The following NFIX variants were observed in gnomAD, a reference collection of about 807,000 sequenced individuals.
NFIX encodes nuclear factor I X, also known as nuclear factor 1 X-type.
A neutral mutation model predicts 53.3 loss-of-function variants in NFIX; 2 were observed. The observed-to-expected ratio is 0.04, with a 90% CI of 0.02 to 0.12. The LOEUF (loss-of-function observed/expected upper bound fraction) is 0.12. Ranked by LOEUF, NFIX falls within the 10% of genes least tolerant of loss-of-function variation. The pLI, the probability that NFIX is intolerant of heterozygous loss-of-function variation, is 1.00. For missense variants in NFIX, 310 were observed against 674.5 expected (o/e 0.46, Z 5.99); for synonymous variants, 244 against 289.0 (o/e 0.84, Z 1.58).
In NFIX at chr19:13,051,661, C is replaced by T. The variant is rs555699325; in HGVS notation, c.560-21386C>T. Among the ~76,000 whole-genome samples, 3 of 152,296 alleles carry T rather than the reference C, an allele frequency of 2.0e-5. No individual in the cohort carries two copies. In the East Asian group the frequency reaches 5.8e-4, roughly 29 times the overall value. On this transcript the variant is annotated intron_variant, in intron 2 of 10. Transcript: ENST00000592199. This position sits in a 1 kb window ranked among gnomAD's most constrained non-coding sequence, Gnocchi z 5.1. ...TTCCTCGGAGAAGCCCAGCCCTCCT[C>T]CTCCTCCCTTCTTGGCCCTCTCCTC...
intron 2 of NFIX, among the ~76,000 whole-genome samples, chr19:13,056,111 G>A (rs1205645238): frequency 6.6e-6 from 1 of 152,182 alleles, no homozygotes; most frequent in Non-Finnish European, 1.5e-5. Flanking sequence ...CTGCTCTGCG[G>A]CTGAAATTGC....
At chr19:13,076,058 T>C (rs952982358) in intron 6 of NFIX, among the ~76,000 whole-genome samples, 4 of 152,172 alleles carry the variant, frequency 2.6e-5, no homozygotes, top group African/African-American at 9.7e-5. Flanking sequence ...TAGGGGATTG[T>C]TCTGTGCATG....
intron 2 of NFIX, chr19:13,070,649 G>C (rs1289070375): frequency 6.6e-6 from 1 of 152,516 alleles, no homozygotes; most frequent in African/African-American, 2.4e-5. Flanking sequence ...GCCGCCAGCC[G>C]TAAGATGGCT....
chr19:13,079,978 GATGTGTGTGCAT>G (rs1185494874), intron 7 of NFIX, among the ~76,000 whole-genome samples: 1 of 152,230 alleles, frequency 6.6e-6, no homozygotes, highest in African/African-American at 2.4e-5. Flanking sequence ...GCACTCAGGA[GATGTGTGTGCAT>G]ATGTCAGACG....
intron 1 of NFIX, among the ~76,000 whole-genome samples, chr19:13,020,580 A>G (rs967539388): frequency 6.6e-6 from 1 of 152,192 alleles, no homozygotes; most frequent in Non-Finnish European, 1.5e-5. Context: ...GCAAGGTTAT[A>G]GCCACTGGCA....
rs1472834492 is a variant in NFIX at position 13,093,854 on chromosome 19, G to T, written c.1495-781G>T. On this transcript the variant is annotated intron_variant, in intron 10 of 10. Transcript: ENST00000592199. The surrounding 1 kb of genome is among the most constrained non-coding windows in gnomAD (Gnocchi z 4.7). ...GTGGGGCTGGAGCCTTGGATGGAGGGCGTAGCCAAGCAGCCCAGACCCTTG... is the reference window on the plus strand; with the variant it reads ...GTGGGGCTGGAGCCTTGGATGGAGGTCGTAGCCAAGCAGCCCAGACCCTTG... 2.6e-5 allele frequency among the ~76,000 whole-genome samples: 4 copies of T among 152,088 alleles called. No homozygotes were observed. Among genetic ancestry groups the T allele is most frequent in the Non-Finnish European group, 5.9e-5 (4 of 68,008 alleles).
At chr19:13,091,228 T>A (rs2018116005) in intron 10 of NFIX, among the ~76,000 whole-genome samples, 1 of 152,082 alleles carries the variant, frequency 6.6e-6, no homozygotes, top group Non-Finnish European at 1.5e-5. Context: ...AAACACCACC[T>A]TGGAGGTGTC....
intron 1 of NFIX, chr19:13,024,563 G>A (rs2145188406): frequency 1.3e-6 from 2 of 1,533,744 alleles, no homozygotes; most frequent in East Asian, 2.4e-5. Context: ...CCGCGTGTGC[G>A]TCCACGGGCG....
rs1568315918 is a variant in NFIX at position 13,073,196 on chromosome 19, C to G, written c.622+87C>G. ...ACCCTGGCTGCCCTGGCCACCCTCA[C>G]TTCTTCCCCTTCATTCAGCTGTCCC... On this transcript the variant is annotated intron_variant, in intron 3 of 10. Coordinates refer to ENST00000592199, the MANE Select transcript of NFIX (RefSeq NM_001365902.3). This position sits in a 1 kb window ranked among gnomAD's most constrained non-coding sequence, Gnocchi z 4.5. 7.8e-7 allele frequency: 1 copy of G among 1,276,180 alleles called. No homozygotes were observed. Among genetic ancestry groups the G allele is most frequent in the Non-Finnish European group, 1.1e-6 (1 of 872,646 alleles). The allele number at this position is 1,276,180 out of a possible 1,614,324, so 79.1% of individuals were successfully genotyped here. A position where few individuals can be genotyped will look rare whatever the true frequency, so the allele number is the denominator to read the frequency against.
In NFIX at chr19:13,093,537, C is replaced by G. The variant is rs2018263773; in HGVS notation, c.1495-1098C>G. 6.6e-6 allele frequency among the ~76,000 whole-genome samples: 1 copy of G among 152,226 alleles called. No homozygotes were observed. Among genetic ancestry groups the G allele is most frequent in the Non-Finnish European group, 1.5e-5 (1 of 68,044 alleles). ...GTTAGGAGCACAGCCTGCACTGCCC[C>G]TTACATTTGAACCCTGGCTCTGTTG... On this transcript the variant is annotated intron_variant, in intron 10 of 10. Coordinates refer to ENST00000592199, the MANE Select transcript of NFIX (RefSeq NM_001365902.3). This position sits in a 1 kb window ranked among gnomAD's most constrained non-coding sequence, Gnocchi z 4.7.
At chr19:13,070,208 GCCT>G (rs2016689912) in intron 2 of NFIX, 1 of 152,316 alleles carries the variant, frequency 6.6e-6, no homozygotes, top group Non-Finnish European at 1.5e-5. Flanking sequence ...GTTCCTGCCA[GCCT>G]CCTTCCTCTA....
chr19:13,076,785 C>A (rs1477244652), intron 6 of NFIX, among the ~76,000 whole-genome samples: 1 of 152,172 alleles, frequency 6.6e-6, no homozygotes, highest in Non-Finnish European at 1.5e-5. Flanking sequence ...AGCACTCCTG[C>A]TTTTCTGCTG....
chr19:13,021,100 AC>A lies in NFIX; in HGVS notation c.28-3919del, dbSNP rs1292481730. 6.6e-6 allele frequency among the ~76,000 whole-genome samples: 1 copy of A among 152,170 alleles called. No homozygotes were observed. Among genetic ancestry groups the A allele is most frequent in the East Asian group, 1.9e-4 (1 of 5,200 alleles). On this transcript the variant is annotated intron_variant, in intron 1 of 10. Coordinates refer to ENST00000592199, the MANE Select transcript of NFIX (RefSeq NM_001365902.3). This position sits in a 1 kb window ranked among gnomAD's most constrained non-coding sequence, Gnocchi z 4.2. The stretch of plus-strand genomic sequence containing the variant: ...ATAAACTCACTTGTAGTTTTTAATG[AC>A]CTCATCTTGACTTTAGAAGGTAAAA...
intron 2 of NFIX, among the ~76,000 whole-genome samples, chr19:13,041,749 G>A (rs1381067341): frequency 1.3e-5 from 2 of 149,220 alleles, no homozygotes; most frequent in Non-Finnish European, 3.0e-5. Context: ...AGCCGAGATC[G>A]TGCCACTGCA....
Position 13,088,817 on chromosome 19 carries a change from ATCTC to A in NFIX, c.1402+689_1402+692del, listed in dbSNP as rs1599877504. Among the ~76,000 whole-genome samples the A allele has an allele frequency of 6.7e-6, 1 of 150,038 alleles. No homozygotes were observed. Among genetic ancestry groups the A allele is most frequent in the African/African-American group, 2.5e-5 (1 of 40,784 alleles). ...AGGGCTGTGGGCTTTGGCTTACTTCATCTCTCTCTCTGTCTCTCTTTCTTTTCTT... is the reference window on the plus strand; with the variant it reads ...AGGGCTGTGGGCTTTGGCTTACTTCATCTCTCTGTCTCTCTTTCTTTTCTT... On this transcript the variant is annotated intron_variant, in intron 9 of 10. Coordinates refer to ENST00000592199, the MANE Select transcript of NFIX (RefSeq NM_001365902.3). The surrounding 1 kb of genome is among the most constrained non-coding windows in gnomAD (Gnocchi z 5.9).
chr19:13,085,707 G>T (rs1273238805), intron 8 of NFIX, among the ~76,000 whole-genome samples: 1 of 152,180 alleles, frequency 6.6e-6, no homozygotes, highest in Non-Finnish European at 1.5e-5. Context: ...GGCAGGAATG[G>T]GTCAAAGGAA....
chr19:12,997,829 G>A (rs949682974), intron 1 of NFIX, among the ~76,000 whole-genome samples: 17 of 152,238 alleles, frequency 1.1e-4, no homozygotes, highest in African/African-American at 3.6e-4. Context: ...GGGCTGGGGC[G>A]GCTGCGAGAC....
In NFIX at chr19:13,025,622, CCT is replaced by C. The variant is rs1568269712; in HGVS notation, c.559+73_559+74del. ...GCTGGCATTTGTTCTGTTTATTGTTCCTCTAATTTCCAAGCGATAACTCGCCA... is the reference window on the plus strand; with the variant it reads ...GCTGGCATTTGTTCTGTTTATTGTTCCTAATTTCCAAGCGATAACTCGCCA... On this transcript the variant is annotated intron_variant, in intron 2 of 10. Transcript: ENST00000592199. The surrounding 1 kb of genome is among the most constrained non-coding windows in gnomAD (Gnocchi z 7.5). The C allele has an allele frequency of 6.5e-7, 1 of 1,533,658 alleles. No homozygotes were observed. Among genetic ancestry groups the C allele is most frequent in the African/African-American group, 1.4e-5 (1 of 73,390 alleles).
intron 8 of NFIX, among the ~76,000 whole-genome samples, chr19:13,085,069 C>CAA (rs555726363): frequency 1.3e-3 from 69 of 54,824 alleles, no homozygotes; most frequent in African/African-American, 3.4e-3. Context: ...GACTCCATCT[C>CAA]AAAAAAAAAA....
Sources: allele counts gnomAD v4.1 joint callset (sites outside exome capture counted in the v4.1 genomes callset), GRCh38; gene constraint gnomAD v4.1.1; non-coding constraint Gnocchi (gnomAD v3.1); transcripts MANE v1.5; gene names NCBI Gene and HGNC (gene_info 2026-07-23, HGNC 2026-07-21).